Variants in KAT6B observed in about 807,000 individuals in gnomAD.
KAT6B encodes lysine acetyltransferase 6B.
A neutral mutation model predicts 187.5 loss-of-function variants in KAT6B; 10 were observed. That is an observed-to-expected ratio of 0.05 (90% CI 0.03 to 0.09). The LOEUF (loss-of-function observed/expected upper bound fraction) is 0.09. KAT6B is among the 10% of genes least tolerant of loss of function. The pLI is 1.00. For missense variants in KAT6B, 1,952 were observed against 2,558.9 expected (o/e 0.76, Z 5.12); for synonymous variants, 861 against 926.8 (o/e 0.93, Z 1.29).
chr10:74,978,616 C>G (rs181216800), intron 9 of KAT6B, among the ~76,000 whole-genome samples: 1 of 152,264 alleles, frequency 6.6e-6, no homozygotes, highest in Non-Finnish European at 1.5e-5. Context: ...TATTCTTGTT[C>G]TGTGTCAGGC....
chr10:74,981,659 C>A, intron 10 of KAT6B, 128 bp from the exon 11 acceptor site: 1 of 718,572 alleles, frequency 1.4e-6, no homozygotes, highest in Non-Finnish European at 2.5e-6. Context: ...CAGGTGTGAG[C>A]CACTGCACCC....
intron 1 of KAT6B, among the ~76,000 whole-genome samples, chr10:74,830,744 A>ATATATATATATATATATATATATATG (rs1840706652): frequency 6.6e-5 from 1 of 15,044 alleles, no homozygotes; most frequent in African/African-American, 7.1e-4. Flanking sequence ...ATATATATAT[A>ATATATATATATATATATATATATATG]TATATATATA....
chr10:74,923,909 G>A (rs1848314408), intron 3 of KAT6B, among the ~76,000 whole-genome samples: 1 of 152,210 alleles, frequency 6.6e-6, no homozygotes, highest in South Asian at 2.1e-4. Context: ...GCAGCTGGGA[G>A]GGTATTGCCA....
chr10:74,842,986 T>G lies in KAT6B; in HGVS notation c.129T>G (p.Asp43Glu), dbSNP rs775296626. ...CGGTCAGTACTTCCCATGGGTTGGA[T>G]AAGAAGACAGTCTCTGAACAGCTGG... ...CHAVSTSHGLDKKTVSEQLEL... is the reference protein window; with the variant it reads ...CHAVSTSHGLEKKTVSEQLEL... The change falls in exon 3 of 18, where the codon GAT becomes GAG. Residue 43 changes from aspartate (D) to glutamate (E), a missense_variant. Physicochemically the swap from Asp to Glu is conservative, Grantham distance 45. Coordinates refer to ENST00000287239, the MANE Select transcript of KAT6B (RefSeq NM_012330.4). 1.2e-6 allele frequency: 2 copies of G among 1,614,192 alleles called. No homozygotes were observed. Among genetic ancestry groups the G allele is most frequent in the South Asian group, 2.2e-5 (2 of 91,090 alleles).
intron 10 of KAT6B, among the ~76,000 whole-genome samples, chr10:74,981,343 C>CCTTTCTTCCTTTCT (rs1564603738): frequency 1.3e-4 from 19 of 141,626 alleles, no homozygotes; most frequent in African/African-American, 5.3e-4. Context: ...TCCTTCCTTT[C>CCTTTCTTCCTTTCT]TTCCTTTCTT....
At chr10:74,897,932 A>G (rs1176791474) in intron 3 of KAT6B, among the ~76,000 whole-genome samples, 1 of 152,192 alleles carries the variant, frequency 6.6e-6, no homozygotes, top group Non-Finnish European at 1.5e-5. Flanking sequence ...TTTGCAGATT[A>G]TTTTTGCCAT....
At chr10:74,931,729 G>A (rs897074523) in intron 3 of KAT6B, among the ~76,000 whole-genome samples, 2 of 152,192 alleles carry the variant, frequency 1.3e-5, no homozygotes, top group African/African-American at 2.4e-5. Flanking sequence ...AGCAAGAAAT[G>A]TGTGTTTGCG....
At chr10:74,865,334 A>G (rs994720617) in intron 3 of KAT6B, among the ~76,000 whole-genome samples, 1 of 152,130 alleles carries the variant, frequency 6.6e-6, no homozygotes. Context: ...GTTTTCCTTC[A>G]TAGCTTTGTA....
At chr10:74,894,015 C>T (rs917502788) in intron 3 of KAT6B, among the ~76,000 whole-genome samples, 1 of 152,188 alleles carries the variant, frequency 6.6e-6, no homozygotes, top group African/African-American at 2.4e-5. Flanking sequence ...ATAAAGGTCA[C>T]GTCCCCATAT....
chr10:74,975,285 A>G (rs1449031986), intron 7 of KAT6B, 114 bp from the exon 8 acceptor site: 1 of 843,596 alleles, frequency 1.2e-6, no homozygotes, highest in East Asian at 2.6e-5. Flanking sequence ...CACAAAAAAT[A>G]CAGTTCTTAA....
At chr10:75,015,023 T>C (rs1428304647) in intron 13 of KAT6B, among the ~76,000 whole-genome samples, 1 of 152,174 alleles carries the variant, frequency 6.6e-6, no homozygotes, top group Non-Finnish European at 1.5e-5. Flanking sequence ...CCTGGGGGAC[T>C]TCTGAAAGCA....
At chr10:75,002,619 C>A (rs555179463) in intron 13 of KAT6B, among the ~76,000 whole-genome samples, 1 of 151,856 alleles carries the variant, frequency 6.6e-6, no homozygotes, top group South Asian at 2.1e-4. Context: ...TCCTAGGTGA[C>A]CAACCTGGAC....
intron 3 of KAT6B, among the ~76,000 whole-genome samples, chr10:74,885,408 A>G (rs1422058583): frequency 1.3e-5 from 2 of 152,198 alleles, no homozygotes; most frequent in Non-Finnish European, 2.9e-5. Flanking sequence ...TCCATTTAGT[A>G]TAATGCCATC....
At chr10:74,979,138 G>A (rs1842349589) in intron 9 of KAT6B, 86 bp from the exon 10 acceptor site, 1 of 856,622 alleles carries the variant, frequency 1.2e-6, no homozygotes, top group Admixed American at 2.0e-5. Flanking sequence ...TTCTGATCTT[G>A]ATAAGTTTTG....
intron 17 of KAT6B, among the ~76,000 whole-genome samples, chr10:75,026,972 C>A (rs1845898258): frequency 6.6e-6 from 1 of 152,026 alleles, no homozygotes; most frequent in Non-Finnish European, 1.5e-5. Context: ...CCCATCTCTA[C>A]CAAAAGTACA....
intron 3 of KAT6B, among the ~76,000 whole-genome samples, chr10:74,858,178 C>T (rs1564525358): frequency 0.033 from 1 of 30 alleles, no homozygotes; most frequent in Non-Finnish European, 0.062. Flanking sequence ...GGGGCGTGCA[C>T]TCTTGCCTCC....
upstream of KAT6B, among the ~76,000 whole-genome samples, chr10:74,826,131 G>A (rs979969413): frequency 1.3e-5 from 2 of 152,060 alleles, no homozygotes; most frequent in African/African-American, 4.8e-5. Flanking sequence ...CGGGCTAGGG[G>A]GTTTGGGGTT....
At chr10:74,835,065 A>G (rs1841182297) in intron 1 of KAT6B, among the ~76,000 whole-genome samples, 2 of 152,228 alleles carry the variant, frequency 1.3e-5, no homozygotes, top group South Asian at 2.1e-4. Flanking sequence ...TAAGAATTTT[A>G]TAGTCTAGTA....
At chr10:74,954,539 A>G (rs963310136) in intron 3 of KAT6B, among the ~76,000 whole-genome samples, 2 of 152,092 alleles carry the variant, frequency 1.3e-5, no homozygotes, top group African/African-American at 4.8e-5. Context: ...CTCTATGATG[A>G]CTCCTATTGG....
Sources: gnomAD v4.1 joint callset for allele counts (sites outside exome capture counted in the v4.1 genomes callset) on GRCh38, gnomAD v4.1.1 for gene constraint, MANE v1.5 for transcripts, NCBI Gene and HGNC (gene_info 2026-07-23, HGNC 2026-07-21) for gene names.